Variants in STK32B observed in about 807,000 individuals in gnomAD.
The protein encoded by STK32B is serine/threonine kinase 32B, also known as serine/threonine-protein kinase 32B.
In STK32B, 43 loss-of-function variants were observed where a neutral mutation model predicts 52.6. That is an observed-to-expected ratio of 0.82 (90% CI 0.64 to 1.05). The LOEUF is 1.05. STK32B is among the 50% of genes least tolerant of loss of function. The pLI is 0.00. For synonymous variants in STK32B, 238 were observed against 204.3 expected, an observed-to-expected ratio of 1.17 and a Z score of -1.41; for missense variants, 621 against 534.6, an observed-to-expected ratio of 1.16 and a Z score of -1.59.
the STK32B span, among the ~76,000 whole-genome samples, chr4:5,027,863 A>T: frequency 6.6e-6 from 1 of 152,116 alleles, no homozygotes; most frequent in Non-Finnish European, 1.5e-5. Context: ...AGTGTGCAAG[A>T]CCAGGAGGTA....
At chr4:5,131,501 A>T (rs1304469025) in intron 1 of STK32B, among the ~76,000 whole-genome samples, 1 of 151,726 alleles carries the variant, frequency 6.6e-6, no homozygotes, top group Non-Finnish European at 1.5e-5. Context: ...TGTTTGAAAA[A>T]CTTCCTAGAG....
At chr4:5,494,363 T>G (rs1485246747) in intron 11 of STK32B, among the ~76,000 whole-genome samples, 1 of 151,650 alleles carries the variant, frequency 6.6e-6, no homozygotes. Context: ...CTTTGTTGGT[T>G]TAAAGTCTGT....
At chr4:5,483,186 G>T (rs576193301) in intron 11 of STK32B, among the ~76,000 whole-genome samples, 1,836 of 148,308 alleles carry the variant, frequency 0.012, 41 homozygotes, top group African/African-American at 0.045. Flanking sequence ...TTGTACCTCT[G>T]GTAGAATTTG....
chr4:5,136,848 CAAAT>C (rs760680067), intron 1 of STK32B, among the ~76,000 whole-genome samples: 8 of 152,076 alleles, frequency 5.3e-5, no homozygotes, highest in Non-Finnish European at 1.2e-4. Flanking sequence ...AGGGAGATGC[CAAAT>C]AAATAGGAAC....
intron 3 of STK32B, among the ~76,000 whole-genome samples, chr4:5,208,298 C>T (rs900957596): frequency 6.6e-5 from 10 of 152,178 alleles, no homozygotes; most frequent in Non-Finnish European, 1.5e-4. Flanking sequence ...ATTTCTACCC[C>T]TTGCCTAGAA....
chr4:5,280,950 G>C (rs1204303888), intron 3 of STK32B, among the ~76,000 whole-genome samples: 1 of 152,044 alleles, frequency 6.6e-6, no homozygotes, highest in African/African-American at 2.4e-5. Flanking sequence ...ACATACCTGA[G>C]ACTGGGTAAT....
intron 4 of STK32B, among the ~76,000 whole-genome samples, chr4:5,342,024 T>G (rs1733117787): frequency 6.6e-6 from 1 of 151,966 alleles, no homozygotes; most frequent in African/African-American, 2.4e-5. Flanking sequence ...GGCCCCAGTG[T>G]GTGATGGCAA....
At chr4:5,483,833 A>G (rs1224380499) in intron 11 of STK32B, among the ~76,000 whole-genome samples, 2 of 151,986 alleles carry the variant, frequency 1.3e-5, no homozygotes, top group Non-Finnish European at 2.9e-5. Flanking sequence ...TTCTGCCTTC[A>G]TTTCGTTGTG....
chr4:5,335,896 C>A (rs929063875), intron 4 of STK32B, among the ~76,000 whole-genome samples: 1 of 151,466 alleles, frequency 6.6e-6, no homozygotes, highest in African/African-American at 2.4e-5. Context: ...GCTTTATTTC[C>A]AACTATGTGG....
chr4:5,053,852 A>G (rs1741887379), intron 1 of STK32B, among the ~76,000 whole-genome samples: 1 of 152,012 alleles, frequency 6.6e-6, no homozygotes, highest in Non-Finnish European at 1.5e-5. Flanking sequence ...GTTGGCGGGA[A>G]CCTGTAATCC....
chr4:5,370,199 T>C (rs181100378), intron 4 of STK32B, among the ~76,000 whole-genome samples: 2 of 152,266 alleles, frequency 1.3e-5, no homozygotes, highest in Non-Finnish European at 2.9e-5. Flanking sequence ...TAAGCAGAAT[T>C]ATATGGAGCA....
At chr4:5,127,915 G>A (rs1051141789) in intron 1 of STK32B, among the ~76,000 whole-genome samples, 1 of 151,672 alleles carries the variant, frequency 6.6e-6, no homozygotes, top group Non-Finnish European at 1.5e-5. Flanking sequence ...TTATAAAGGA[G>A]AGTTCCCCTA....
At chr4:5,351,096 C>T (rs1263741577) in intron 4 of STK32B, among the ~76,000 whole-genome samples, 2 of 151,926 alleles carry the variant, frequency 1.3e-5, no homozygotes, top group African/African-American at 2.4e-5. Flanking sequence ...ACAACAACCA[C>T]GAAACACACT....
chr4:5,122,287 C>T (rs1306299441), intron 1 of STK32B, among the ~76,000 whole-genome samples: 1 of 152,146 alleles, frequency 6.6e-6, no homozygotes, highest in East Asian at 1.9e-4. Context: ...CTCACCCATT[C>T]ACTCACCCAT....
intron 7 of STK32B, among the ~76,000 whole-genome samples, chr4:5,450,803 T>C (rs1293223014): frequency 2.6e-5 from 4 of 152,162 alleles, no homozygotes; most frequent in African/African-American, 9.7e-5. Flanking sequence ...CCCTATTACT[T>C]CTACCCTGGG....
chr4:5,276,008 G>A (rs1243430139), intron 3 of STK32B, among the ~76,000 whole-genome samples: 1 of 152,086 alleles, frequency 6.6e-6, no homozygotes, highest in Non-Finnish European at 1.5e-5. Context: ...AGACATTTAG[G>A]CCGGGCATGG....
At chr4:5,339,368 C>G (rs1732919868) in intron 4 of STK32B, among the ~76,000 whole-genome samples, 1 of 152,154 alleles carries the variant, frequency 6.6e-6, no homozygotes, top group African/African-American at 2.4e-5. Flanking sequence ...CTTCCCAATT[C>G]TAAAATTATA....
chr4:5,390,098 T>C (rs1017810574), intron 4 of STK32B, among the ~76,000 whole-genome samples: 2 of 152,236 alleles, frequency 1.3e-5, no homozygotes, highest in African/African-American at 4.8e-5. Flanking sequence ...ACTTCCACCC[T>C]CCAGAACTGT....
Position 5,398,237 on chromosome 4 carries a change from T to A in STK32B, c.465T>A (p.Asp155Glu). 3 of 1,614,084 alleles carry A rather than the reference T, an allele frequency of 1.9e-6. No homozygotes were observed. The highest frequency in any genetic ancestry group is 2.5e-6 in the Non-Finnish European group (3 of 1,180,014). The change falls in exon 5 of 12, where the codon GAT becomes GAA. Residue 155 changes from aspartate (D) to glutamate (E), a missense_variant. Asp to Glu is a conservative substitution (Grantham distance 45). Coordinates refer to ENST00000282908, the MANE Select transcript of STK32B (RefSeq NM_018401.3). The surrounding 1 kb of genome is among the most constrained non-coding windows in gnomAD (Gnocchi z 4.9). Reference protein sequence around the residue: ...RDIKPDNILLDEHGHVHITDF... With the variant: ...RDIKPDNILLEEHGHVHITDF... ...TCAAGCCAGACAATATCCTGCTGGA[T>A]GAACACGGTAAGCCTGCTACTAATC...
Sources: allele counts gnomAD v4.1 joint callset (sites outside exome capture counted in the v4.1 genomes callset), GRCh38; gene constraint gnomAD v4.1.1; non-coding constraint Gnocchi (gnomAD v3.1); transcripts MANE v1.5; gene names NCBI Gene and HGNC (gene_info 2026-07-23, HGNC 2026-07-21).